The following MYBBP1A variants were observed in gnomAD, a reference collection of about 807,000 sequenced individuals.
MYBBP1A encodes MYB binding protein 1a.
In MYBBP1A, 147 loss-of-function variants were observed where a neutral mutation model predicts 136.3. The observed-to-expected ratio is 1.08, with a 90% CI of 0.94 to 1.24. MYBBP1A has a LOEUF of 1.24. Ranked by LOEUF, MYBBP1A falls within the 50% of genes most tolerant of loss-of-function variation. The pLI, the probability that MYBBP1A is intolerant of heterozygous loss-of-function variation, is 0.00. For synonymous variants in MYBBP1A, 947 were observed against 735.8 expected (o/e 1.29, Z -4.65); for missense variants, 2,060 against 1,727.4 (o/e 1.19, Z -3.41).
At position 4,540,490 on chromosome 17, in the gene MYBBP1A, G is replaced by A. The variant is rs766512046; in HGVS notation, c.3298-6C>T. 6.2e-7 allele frequency: 1 copy of A among 1,605,868 alleles called. No individual in the cohort carries two copies. Among genetic ancestry groups the A allele is most frequent in the Non-Finnish European group, 8.5e-7 (1 of 1,177,702 alleles). On this transcript the variant is annotated splice_polypyrimidine_tract_variant and splice_region_variant and intron_variant, in intron 24 of 25. Coordinates refer to ENST00000254718, the MANE Select transcript of MYBBP1A (RefSeq NM_014520.4). ...GTCAGGTCCAAGGTCAGCTTCTGCA[G>A]AGGGTGGGAAGGCAGAGCTGTGGGG... is the stretch of plus-strand genomic sequence containing the variant.
At chr17:4,554,495 T>G (rs551453262) in intron 2 of MYBBP1A, among the ~76,000 whole-genome samples, 16 of 152,294 alleles carry the variant, frequency 1.1e-4, no homozygotes, top group Middle Eastern at 3.4e-3. Context: ...CCCCTCAGGC[T>G]GATCCTGCAG....
rs752916790 is a variant in MYBBP1A at position 4,545,892 on chromosome 17, C to T, written c.1875G>A (p.Arg625=). 2.5e-5 allele frequency: 41 copies of T among 1,613,408 alleles called. No homozygotes were observed. In the Middle Eastern group the frequency reaches 4.9e-4, roughly 19 times the overall value. ...DLLGDIQTCI[R]KSLGEKPRRS... ...GGCGGGGCTTCTCTCCCAGACTTTT[C>T]CTGATGCAGGTCTGGATGTCACCCA... The change falls in exon 14 of 26, where the codon AGG becomes AGA. Residue 625 remains arginine, a synonymous_variant. Coordinates refer to ENST00000254718, the MANE Select transcript of MYBBP1A (RefSeq NM_014520.4).
At chr17:4,545,544 C>G in intron 15 of MYBBP1A, 66 bp downstream of exon 15, 1 of 1,530,552 alleles carries the variant, frequency 6.5e-7, no homozygotes, top group Non-Finnish European at 8.8e-7. Flanking sequence ...TGAAGCGGCA[C>G]CCCTGGTGCA....
intron 19 of MYBBP1A, among the ~76,000 whole-genome samples, chr17:4,543,536 G>A (rs1015561239): frequency 2.6e-5 from 4 of 152,058 alleles, no homozygotes; most frequent in African/African-American, 9.7e-5. Context: ...CTGTGGCCCT[G>A]CAGGGCCGGG....
At chr17:4,543,203 T>C (rs1314508287) in intron 19 of MYBBP1A, 38 bp from the exon 20 acceptor site, 1 of 1,564,014 alleles carries the variant, frequency 6.4e-7, no homozygotes, top group East Asian at 2.3e-5. Flanking sequence ...CAGAACATTC[T>C]CGGTCCACCC....
intron 19 of MYBBP1A, 48 bp downstream of exon 19, chr17:4,544,441 C>A (rs1202462470): frequency 6.5e-7 from 1 of 1,539,022 alleles, no homozygotes; most frequent in Non-Finnish European, 8.7e-7. Context: ...CTCTCCTGCG[C>A]CTGGGGGCTG....
chr17:4,540,470 G>C lies in MYBBP1A; in HGVS notation c.3312C>G (p.Asp1104Glu). The change falls in exon 25 of 26, where the codon GAC becomes GAG. Residue 1104 changes from aspartate to glutamate, a missense_variant. Asp to Glu is a conservative substitution (Grantham distance 45). Transcript: ENST00000254718. ...GCAGCACACCCAGGAGCACCGTCAG[G>C]TCCAAGGTCAGCTTCTGCAGAGGGT... ...RTCKHEKLTL[D>E]LTVLLGVLQG... 1 of 1,609,492 alleles carries C rather than the reference G, an allele frequency of 6.2e-7. No individual in the cohort carries two copies. Among genetic ancestry groups the C allele is most frequent in the Non-Finnish European group, 8.5e-7 (1 of 1,179,038 alleles).
intron 13 of MYBBP1A, among the ~76,000 whole-genome samples, chr17:4,546,504 G>A (rs141240340): frequency 2.0e-5 from 3 of 152,174 alleles, no homozygotes; most frequent in Admixed American, 6.5e-5. Context: ...ACTCCCCCTT[G>A]GACACTCAAG....
rs531678286 is a variant in MYBBP1A, at chr17:4,541,768, G to GCC, written c.3195+14_3195+15dup. The stretch of plus-strand genomic sequence containing the variant: ...GATTCTGAGGGGGTGGGGAAAGGGC[G>GCC]CCCCCCGGCTGTTACCTCGGTGACC... On this transcript the variant is annotated intron_variant, in intron 23 of 25. Coordinates refer to ENST00000254718, the MANE Select transcript of MYBBP1A (RefSeq NM_014520.4). 4.4e-6 allele frequency: 7 copies of GCC among 1,604,460 alleles called. No individual in the cohort carries two copies. The East Asian group carries it at 1.3e-4, about 31-fold the overall frequency.
In MYBBP1A at chr17:4,552,040, C is replaced by T. The variant is rs749825110; in HGVS notation, c.906-43G>A. 3 of 1,593,990 alleles carry T rather than the reference C, an allele frequency of 1.9e-6. No individual in the cohort carries two copies. Among genetic ancestry groups the T allele is most frequent in the East Asian group, 2.2e-5 (1 of 44,558 alleles). On this transcript the variant is annotated intron_variant, in intron 7 of 25. Coordinates refer to ENST00000254718, the MANE Select transcript of MYBBP1A (RefSeq NM_014520.4). The surrounding 1 kb of genome is among the most constrained non-coding windows in gnomAD (Gnocchi z 4.7). The stretch of plus-strand genomic sequence containing the variant: ...CAGAGCCTGGTCAGAGCCCTTGGTG[C>T]CCCTGGTGGGAACCTCAGGACTAGT...
In MYBBP1A at chr17:4,554,194, C is replaced by T; in HGVS notation, c.378+1G>A. The stretch of plus-strand genomic sequence containing the variant: ...GCTGACCTCCCTGGCCCCACTCTCA[C>T]CTTCTTCACCTGATGCAGGTCATAT... On this transcript the variant is annotated splice_donor_variant, in intron 3 of 25. Coordinates refer to ENST00000254718, the MANE Select transcript of MYBBP1A (RefSeq NM_014520.4). LOFTEE classifies it high-confidence loss of function. The T allele has an allele frequency of 1.2e-6, 2 of 1,614,080 alleles. No individual in the cohort carries two copies. The highest frequency in any genetic ancestry group is 2.2e-5 in the South Asian group (2 of 91,088).
chr17:4,546,725 C>G (rs138763638), intron 13 of MYBBP1A, among the ~76,000 whole-genome samples: 2 of 152,318 alleles, frequency 1.3e-5, no homozygotes, highest in Non-Finnish European at 2.9e-5. Flanking sequence ...TGCGCATGTG[C>G]GTGTGCAGGA....
Position 4,548,679 on chromosome 17 carries a change from A to T in MYBBP1A, c.1431-30T>A, listed in dbSNP as rs1907227247. 6.2e-7 allele frequency: 1 copy of T among 1,613,330 alleles called. No homozygotes were observed. The highest frequency in any genetic ancestry group is 1.1e-5 in the South Asian group (1 of 91,048). ...GGAGGGTGGGAGAGTGGCCATAGCC[A>T]TTCACTGCCATTGGTTTTTACAGGC... On this transcript the variant is annotated intron_variant, in intron 10 of 25. Transcript: ENST00000254718. This position sits in a 1 kb window ranked among gnomAD's most constrained non-coding sequence, Gnocchi z 4.2.
chr17:4,543,185 G>A lies in MYBBP1A; in HGVS notation c.2640-20C>T, dbSNP rs371192225. 8.0e-5 allele frequency: 127 copies of A among 1,587,246 alleles called. No individual in the cohort carries two copies. In the African/African-American group the frequency reaches 1.5e-3, roughly 18 times the overall value. On this transcript the variant is annotated intron_variant, in intron 19 of 25. Transcript: ENST00000254718. Reference sequence around the variant, plus strand: ...TGGTGCCTGTGGGTGGTGAGGACGAGAGCTGGTCAGAACATTCTCGGTCCA... The same window carrying A: ...TGGTGCCTGTGGGTGGTGAGGACGAAAGCTGGTCAGAACATTCTCGGTCCA...
In MYBBP1A at chr17:4,539,420, G is replaced by A. The variant is rs1454227477; in HGVS notation, c.3982C>T (p.Pro1328Ser). Reference protein sequence around the residue: ...KKAQVRKAGKP With the variant: ...KKAQVRKAGKS ...AGGGGGGCCCGTACCTGTGCTCAGG[G>A]CTTCCCTGCCTTCCTCACCTGTGCT... Residue 1328 changes from proline to serine, a missense_variant, in exon 26 of 26, where the codon CCC (proline) becomes TCC (serine). Transcript: ENST00000254718. 4.3e-6 allele frequency: 7 copies of A among 1,609,342 alleles called. No individual in the cohort carries two copies. The South Asian group carries it at 6.6e-5, about 15-fold the overall frequency.
rs370437719 is a variant in MYBBP1A, at chr17:4,555,355, G to T, written c.-31C>A. On this transcript the variant is annotated 5_prime_UTR_variant, in exon 1 of 26. Transcript: ENST00000254718. ...CCACACTCACCGAAACACGAAACAC[G>T]TGTGCTCCGGCCCCAGCCGCTTCCA... The T allele has an allele frequency of 1.1e-4, 165 of 1,570,390 alleles. No individual in the cohort carries two copies. The highest frequency in any genetic ancestry group is 1.7e-4 in the Middle Eastern group (1 of 5,900).
chr17:4,539,483 T>C lies in MYBBP1A; in HGVS notation c.3919A>G (p.Arg1307Gly), dbSNP rs751693673. The change falls in exon 26 of 26, where the codon AGG becomes GGG. Residue 1307 changes from arginine to glycine, a missense_variant. Physicochemically the swap from Arg to Gly is moderately radical, Grantham distance 125. Transcript: ENST00000254718. ...CCACTCTGAAGCAGGCTGGGACTCC[T>C]GATGACCAAAGACAGCCTTGCCTTT... Reference protein sequence around the residue: ...RKKARLSLVIRSPSLLQSGAK... With the variant: ...RKKARLSLVIGSPSLLQSGAK... 1.9e-6 allele frequency: 3 copies of C among 1,614,182 alleles called. No individual in the cohort carries two copies. The highest frequency in any genetic ancestry group is 2.5e-6 in the Non-Finnish European group (3 of 1,180,024).
chr17:4,540,216 G>T, intron 25 of MYBBP1A, 132 bp downstream of exon 25: 1 of 1,315,522 alleles, frequency 7.6e-7, no homozygotes, highest in Non-Finnish European at 1.0e-6. Flanking sequence ...GCGCTTGAGT[G>T]CATGTGTGTG....
chr17:4,547,080 T>C (rs920843635), intron 13 of MYBBP1A, among the ~76,000 whole-genome samples: 3 of 151,938 alleles, frequency 2.0e-5, no homozygotes, highest in African/African-American at 7.3e-5. Context: ...CCTGGCTAAT[T>C]TTTGTATTTT....
Sources: gnomAD v4.1 joint callset for allele counts (sites outside exome capture counted in the v4.1 genomes callset) on GRCh38, gnomAD v4.1.1 for gene constraint, Gnocchi (gnomAD v3.1) non-coding constraint, MANE v1.5 for transcripts, NCBI Gene and HGNC (gene_info 2026-07-23, HGNC 2026-07-21) for gene names.